Variants in FNBP1L observed in about 807,000 individuals in gnomAD.
FNBP1L encodes formin-binding protein 1-like.
FNBP1L carries 36 observed loss-of-function variants against 91.2 expected under a neutral mutation model. The observed-to-expected ratio is 0.39, with a 90% CI of 0.30 to 0.52. FNBP1L has a LOEUF of 0.52. Among genes scored for constraint, FNBP1L ranks in the 20% least tolerant of loss-of-function variants. The probability of loss-of-function intolerance (pLI) is 0.66; values close to 1 mark genes in which losing one functional copy is unlikely to be tolerated. For synonymous variants in FNBP1L, 242 were observed against 237.0 expected, an observed-to-expected ratio of 1.02 and a Z score of -0.19; for missense variants, 571 against 732.1, an observed-to-expected ratio of 0.78 and a Z score of 2.54.
intron 1 of FNBP1L, among the ~76,000 whole-genome samples, chr1:93,473,008 T>TG (rs1267673269): frequency 6.6e-6 from 1 of 151,998 alleles, no homozygotes; most frequent in Non-Finnish European, 1.5e-5. Flanking sequence ...ATTTTGCACT[T>TG]GCTGCTAGAA....
chr1:93,455,720 A>G (rs1270573611), intron 1 of FNBP1L, among the ~76,000 whole-genome samples: 1 of 152,266 alleles, frequency 6.6e-6, no homozygotes, highest in Non-Finnish European at 1.5e-5. Context: ...AAAATATTTT[A>G]GAATATTTGA....
At chr1:93,474,970 A>G (rs1570778963) in intron 1 of FNBP1L, among the ~76,000 whole-genome samples, 2 of 152,194 alleles carry the variant, frequency 1.3e-5, no homozygotes, top group Non-Finnish European at 2.9e-5. Flanking sequence ...TAACAGTAGC[A>G]CTGTGTCATG....
chr1:93,499,802 A>T (rs568470663), intron 2 of FNBP1L, among the ~76,000 whole-genome samples: 150 of 152,320 alleles, frequency 9.8e-4, no homozygotes, highest in African/African-American at 3.5e-3. Flanking sequence ...TCATTCCAGA[A>T]AGACACTTAA....
intron 10 of FNBP1L, among the ~76,000 whole-genome samples, chr1:93,539,915 G>C (rs1219537494): frequency 2.0e-5 from 3 of 152,114 alleles, no homozygotes; most frequent in Non-Finnish European, 4.4e-5. Flanking sequence ...TATTTTTAAT[G>C]TGAATTTTTT....
chr1:93,537,773 T>C (rs917675630), intron 10 of FNBP1L, among the ~76,000 whole-genome samples: 1 of 152,184 alleles, frequency 6.6e-6, no homozygotes, highest in African/African-American at 2.4e-5. Flanking sequence ...AGAAATCATA[T>C]TTGGGATTTC....
intron 1 of FNBP1L, chr1:93,488,221 G>A (rs986785263): frequency 6.6e-6 from 1 of 152,180 alleles, no homozygotes; most frequent in African/African-American, 2.4e-5. Flanking sequence ...CTGGATTATT[G>A]CAGTAGCCTC....
intron 2 of FNBP1L, among the ~76,000 whole-genome samples, chr1:93,521,730 C>G (rs960068859): frequency 4.6e-5 from 7 of 152,074 alleles, no homozygotes; most frequent in African/African-American, 1.2e-4. Context: ...TTTGACCCGT[C>G]GTTGAATCTG....
At chr1:93,495,912 A>G (rs1226342107) in intron 1 of FNBP1L, among the ~76,000 whole-genome samples, 1 of 152,240 alleles carries the variant, frequency 6.6e-6, no homozygotes, top group African/African-American at 2.4e-5. Context: ...GAAATCTTTT[A>G]CTTGTTGTAA....
chr1:93,537,214 AT>A (rs1374313226), intron 10 of FNBP1L, among the ~76,000 whole-genome samples: 2 of 152,072 alleles, frequency 1.3e-5, no homozygotes, highest in Non-Finnish European at 2.9e-5. Flanking sequence ...ATAACCTGTA[AT>A]TTAGACTCAT....
At chr1:93,504,677 C>A (rs762253791) in intron 2 of FNBP1L, among the ~76,000 whole-genome samples, 1 of 152,184 alleles carries the variant, frequency 6.6e-6, no homozygotes, top group Non-Finnish European at 1.5e-5. Flanking sequence ...CCACCCTAAT[C>A]GGTGTGAGTT....
intron 9 of FNBP1L, among the ~76,000 whole-genome samples, chr1:93,535,480 A>G (rs1671816610): frequency 6.6e-6 from 1 of 152,096 alleles, no homozygotes; most frequent in South Asian, 2.1e-4. Context: ...ATGTGAGCAA[A>G]TGAAATAGAT....
intron 10 of FNBP1L, among the ~76,000 whole-genome samples, chr1:93,539,074 C>T (rs1310188084): frequency 6.6e-6 from 1 of 152,002 alleles, no homozygotes; most frequent in Non-Finnish European, 1.5e-5. Context: ...ATAATTTTTA[C>T]TCTATTGCTA....
At chr1:93,487,335 A>G (rs2101713856) in intron 1 of FNBP1L, among the ~76,000 whole-genome samples, 1 of 152,288 alleles carries the variant, frequency 6.6e-6, no homozygotes, top group East Asian at 1.9e-4. Flanking sequence ...TTTTCATCCA[A>G]GAAAGCCTGA....
chr1:93,506,266 T>C (rs1189713703), intron 2 of FNBP1L, among the ~76,000 whole-genome samples: 1 of 152,162 alleles, frequency 6.6e-6, no homozygotes, highest in Non-Finnish European at 1.5e-5. Flanking sequence ...TCTTCTTCTT[T>C]TGGTGGGTTG....
intron 14 of FNBP1L, among the ~76,000 whole-genome samples, chr1:93,548,122 G>C (rs1672300120): frequency 1.3e-5 from 2 of 152,090 alleles, no homozygotes; most frequent in African/African-American, 4.8e-5. Flanking sequence ...TACACATAAA[G>C]CACCTAGTAG....
intron 9 of FNBP1L, among the ~76,000 whole-genome samples, chr1:93,535,817 G>A (rs925312570): frequency 2.0e-5 from 3 of 150,634 alleles, no homozygotes; most frequent in African/African-American, 7.3e-5. Context: ...AGGAATACTG[G>A]AATTAAAAAA....
intron 1 of FNBP1L, among the ~76,000 whole-genome samples, chr1:93,493,379 A>T (rs916181737): frequency 1.3e-5 from 2 of 152,240 alleles, no homozygotes; most frequent in Admixed American, 1.3e-4. Context: ...TAAAATACAT[A>T]ATGTAAAATA....
At chr1:93,469,581 A>C (rs540124843) in intron 1 of FNBP1L, among the ~76,000 whole-genome samples, 2 of 152,342 alleles carry the variant, frequency 1.3e-5, no homozygotes, top group African/African-American at 4.8e-5. Flanking sequence ...AGCATGATTT[A>C]TAATCCTTTG....
At chr1:93,499,659 TC>T in intron 2 of FNBP1L, 76 bp downstream of exon 2, 2 of 819,548 alleles carry the variant, frequency 2.4e-6, no homozygotes, top group Non-Finnish European at 1.9e-6. Flanking sequence ...AATGTGATAG[TC>T]CAGAGGTTAA....
Sources: gnomAD v4.1 joint callset for allele counts (sites outside exome capture counted in the v4.1 genomes callset) on GRCh38, gnomAD v4.1.1 for gene constraint, MANE v1.5 for transcripts, NCBI Gene and HGNC (gene_info 2026-07-23, HGNC 2026-07-21) for gene names.